DACH1: variants seen among roughly 807,000 people sequenced by gnomAD.
DACH1 encodes dachshund homolog 1.
Under a neutral mutation model 54.2 loss-of-function variants are expected in DACH1, and 12 were observed. The ratio of observed to expected loss-of-function variants is 0.22; its 90% CI spans 0.14 to 0.36. DACH1 has a LOEUF of 0.36. Among genes scored for constraint, DACH1 ranks in the 10% least tolerant of loss-of-function variants. The probability of loss-of-function intolerance (pLI) is 1.00; values close to 1 mark genes in which losing one functional copy is unlikely to be tolerated. For missense variants in DACH1, 805 were observed against 929.8 expected (o/e 0.87, Z 1.75); for synonymous variants, 386 against 366.2 (o/e 1.05, Z -0.62).
At chr13:71,853,210 T>C (rs1873783498) in intron 1 of DACH1, among the ~76,000 whole-genome samples, 1 of 152,186 alleles carries the variant, frequency 6.6e-6, no homozygotes. Flanking sequence ...TCACTACATT[T>C]TATCAGGCTC....
At chr13:71,790,553 T>C (rs1886792015) in intron 1 of DACH1, among the ~76,000 whole-genome samples, 1 of 152,148 alleles carries the variant, frequency 6.6e-6, no homozygotes, top group African/African-American at 2.4e-5. Flanking sequence ...TCTAAAATTA[T>C]GTGATATACA....
intron 1 of DACH1, among the ~76,000 whole-genome samples, chr13:71,865,087 C>T (rs939009073): frequency 6.6e-6 from 1 of 152,138 alleles, no homozygotes; most frequent in East Asian, 1.9e-4. Flanking sequence ...CTCGGGCAAT[C>T]GGTCACCTCC....
At chr13:71,555,407 G>A (rs1449814411) in intron 6 of DACH1, among the ~76,000 whole-genome samples, 2 of 151,384 alleles carry the variant, frequency 1.3e-5, no homozygotes, top group East Asian at 1.9e-4. Flanking sequence ...GCAGTGGCGC[G>A]ATCTCGGCTT....
chr13:71,509,166 C>A (rs562469292), intron 6 of DACH1, among the ~76,000 whole-genome samples: 2 of 152,264 alleles, frequency 1.3e-5, no homozygotes, highest in Admixed American at 1.3e-4. Flanking sequence ...TAATTGCCTG[C>A]TCTCTATTCA....
chr13:71,461,400 T>C (rs1028932003), intron 10 of DACH1, among the ~76,000 whole-genome samples: 3 of 152,048 alleles, frequency 2.0e-5, no homozygotes, highest in Admixed American at 2.0e-4. Flanking sequence ...TTGTTTATGC[T>C]GTATTATAAT....
At chr13:71,634,868 C>G (rs1384465998) in intron 2 of DACH1, among the ~76,000 whole-genome samples, 3 of 152,106 alleles carry the variant, frequency 2.0e-5, no homozygotes, top group African/African-American at 7.2e-5. Flanking sequence ...CTGTATATAT[C>G]TGGTTAATCT....
chr13:71,438,723 A>AATT lies in DACH1; in HGVS notation c.*1929_*1931dup, dbSNP rs1873735850. ...CAAAAAGCTTGACACAAGTCCATTC[A>AATT]ATTTTAAGTGTTGTAATCCTTTAAA... On this transcript the variant is annotated 3_prime_UTR_variant, in exon 11 of 11. Coordinates refer to ENST00000613252, the MANE Select transcript of DACH1 (RefSeq NM_080759.6). 1 of 152,452 alleles carries AATT rather than the reference A, an allele frequency of 6.6e-6. No homozygotes were observed. Among genetic ancestry groups the AATT allele is most frequent in the African/African-American group, 2.4e-5 (1 of 41,440 alleles). 9.4% of individuals were successfully genotyped at this position (152,452 alleles called of 1,614,324 possible). A position where few individuals can be genotyped will look rare whatever the true frequency, so the allele number is the denominator to read the frequency against.
At chr13:71,767,092 C>T (rs150410931) in intron 1 of DACH1, among the ~76,000 whole-genome samples, 1 of 151,936 alleles carries the variant, frequency 6.6e-6, no homozygotes, top group Non-Finnish European at 1.5e-5. Flanking sequence ...TAATTAATTA[C>T]TTAGTCATTG....
chr13:71,756,342 GC>G (rs1260393414), intron 1 of DACH1, among the ~76,000 whole-genome samples: 1 of 151,868 alleles, frequency 6.6e-6, no homozygotes, highest in Admixed American at 6.6e-5. Flanking sequence ...ACCGCACCCG[GC>G]CAAGACATTT....
chr13:71,865,350 T>G (rs1043906710), intron 1 of DACH1, among the ~76,000 whole-genome samples: 2 of 151,974 alleles, frequency 1.3e-5, no homozygotes, highest in Admixed American at 6.5e-5. Flanking sequence ...CCTCCTCGGG[T>G]GCTGGTCCGC....
At chr13:71,536,986 A>G (rs574427406) in intron 6 of DACH1, among the ~76,000 whole-genome samples, 61 of 152,220 alleles carry the variant, frequency 4.0e-4, no homozygotes, top group African/African-American at 1.3e-3. Context: ...GCAAAAATCA[A>G]TTAGAATCCT....
In DACH1 at chr13:71,579,907, GT is replaced by G. The variant is rs1593928117; in HGVS notation, c.1127-6896del. On this transcript the variant is annotated intron_variant, in intron 3 of 10. Transcript: ENST00000613252. ...AGGGAAAATAGATCCACACACCAAG[GT>G]AAAACAAAGAAATGCAGACTGGGTA... Among the ~76,000 whole-genome samples the G allele has an allele frequency of 2.0e-5, 3 of 152,096 alleles. No individual in the cohort carries two copies. The East Asian group carries it at 5.8e-4, about 29-fold the overall frequency.
chr13:71,498,066 T>A (rs1182619330), intron 6 of DACH1, among the ~76,000 whole-genome samples: 1 of 152,156 alleles, frequency 6.6e-6, no homozygotes, highest in Non-Finnish European at 1.5e-5. Flanking sequence ...TATATGGGAA[T>A]GAAATCATTG....
chr13:71,683,829 A>T (rs1175358606), intron 1 of DACH1, among the ~76,000 whole-genome samples: 1 of 151,972 alleles, frequency 6.6e-6, no homozygotes, highest in Non-Finnish European at 1.5e-5. Flanking sequence ...CTAAATATAT[A>T]TCTATAGCCC....
At chr13:71,452,126 A>T (rs1593714771) in intron 10 of DACH1, among the ~76,000 whole-genome samples, 1 of 151,788 alleles carries the variant, frequency 6.6e-6, no homozygotes, top group African/African-American at 2.4e-5. Context: ...GTTTTTTTGT[A>T]TTGTTTTGTT....
chr13:71,704,685 C>A, intron 1 of DACH1: 1 of 225,572 alleles, frequency 4.4e-6, no homozygotes, highest in Non-Finnish European at 9.3e-6. Flanking sequence ...AATAAAAGAT[C>A]TCTGGACTGT....
At chr13:71,452,052 G>A (rs776722346) in intron 10 of DACH1, among the ~76,000 whole-genome samples, 3 of 152,102 alleles carry the variant, frequency 2.0e-5, no homozygotes, top group Non-Finnish European at 2.9e-5. Context: ...GATGAATCTT[G>A]GTAAAGAATA....
Position 71,527,764 on chromosome 13 carries a change from A to G in DACH1, c.1570+29260T>C. 1.3e-5 allele frequency among the ~76,000 whole-genome samples: 2 copies of G among 152,156 alleles called. 1 individual carries two copies. The highest frequency in any genetic ancestry group is 3.9e-4 in the East Asian group (2 of 5,194). ...CAGAAGTCATTAAGCTTTGCCAATG[A>G]TTTGAAACAATTTTTCCATTTCAAA... On this transcript the variant is annotated intron_variant, in intron 6 of 10. Coordinates refer to ENST00000613252, the MANE Select transcript of DACH1 (RefSeq NM_080759.6).
At chr13:71,687,718 C>T (rs1450150497) in intron 1 of DACH1, among the ~76,000 whole-genome samples, 3 of 152,192 alleles carry the variant, frequency 2.0e-5, no homozygotes, top group Non-Finnish European at 4.4e-5. Flanking sequence ...AGGTGATCCT[C>T]CCCGCTCAGC....
Sources: gnomAD v4.1 joint callset for allele counts (sites outside exome capture counted in the v4.1 genomes callset) on GRCh38, gnomAD v4.1.1 for gene constraint, MANE v1.5 for transcripts, NCBI Gene and HGNC (gene_info 2026-07-23, HGNC 2026-07-21) for gene names.